The following MVB12A variants were observed in gnomAD, a reference collection of about 807,000 sequenced individuals.
MVB12A encodes the protein CIN85/CD2AP family binding protein.
In MVB12A, 30 loss-of-function variants were observed where a neutral mutation model predicts 34.3. That is an observed-to-expected ratio of 0.88 (90% CI 0.65 to 1.19). The LOEUF (loss-of-function observed/expected upper bound fraction) is 1.19, where lower values mean the gene tolerates loss of function less well. Among genes scored for constraint, MVB12A ranks in the 50% most tolerant of loss-of-function variants. MVB12A has a pLI of 0.00. For missense variants in MVB12A, 355 were observed against 369.2 expected (o/e 0.96, Z 0.31); for synonymous variants, 158 against 158.9 (o/e 0.99, Z 0.04).
At chr19:17,414,890 T>G in intron 2 of MVB12A, 1 of 151,736 alleles carries the variant, frequency 6.6e-6, no homozygotes, top group Non-Finnish European at 1.5e-5. Context: ...ACAAACAAAG[T>G]ATTAATATGT....
intron 2 of MVB12A, among the ~76,000 whole-genome samples, chr19:17,406,772 G>T (rs985288838): frequency 2.0e-5 from 3 of 152,118 alleles, no homozygotes; most frequent in Non-Finnish European, 2.9e-5. Context: ...ATTGTGCCAC[G>T]GCACTCAAGC....
At position 17,420,087 on chromosome 19, in the gene MVB12A, G is replaced by A; in HGVS notation, c.-49G>A. ...GCGCTGCCGTCGGGAGGCGCTCCGA[G>A]GTTCGAGGCTGTGCCCCGCGACCCC... is the stretch of plus-strand genomic sequence containing the variant. On this transcript the variant is annotated 5_prime_UTR_variant, in exon 1 of 9. Coordinates refer to ENST00000317040, the MANE Select transcript of MVB12A (RefSeq NM_138401.4). The A allele has an allele frequency of 4.0e-6, 5 of 1,258,904 alleles. No individual in the cohort carries two copies. The South Asian group carries it at 1.3e-4, about 32-fold the overall frequency. 78.0% of individuals were successfully genotyped at this position (1,258,904 alleles called of 1,614,324 possible).
At chr19:17,424,548 AC>A (rs34972891) in intron 7 of MVB12A, 72 bp from the exon 8 acceptor site, 1 of 1,463,814 alleles carries the variant, frequency 6.8e-7, no homozygotes, top group Admixed American at 1.9e-5. Context: ...GGAGGGCAGG[AC>A]CCCTTGAAGA....
chr19:17,405,946 AGG>A, intron 1 of MVB12A: 1 of 166,104 alleles, frequency 6.0e-6, no homozygotes, highest in Non-Finnish European at 1.3e-5. Context: ...GAAGAGGCAG[AGG>A]CCATCACTGT....
intron 2 of MVB12A, among the ~76,000 whole-genome samples, chr19:17,407,953 G>T (rs1046930669): frequency 6.6e-6 from 1 of 152,246 alleles, no homozygotes; most frequent in Non-Finnish European, 1.5e-5. Flanking sequence ...CCCTTCTGCT[G>T]GCCCTGTCCG....
At position 17,422,472 on chromosome 19, in the gene MVB12A, C is replaced by A. The variant is rs764501888; in HGVS notation, c.413+14C>A. On this transcript the variant is annotated intron_variant, in intron 4 of 8. Coordinates refer to ENST00000317040, the MANE Select transcript of MVB12A (RefSeq NM_138401.4). Reference sequence around the variant, plus strand: ...CCTTCGAATAGGGTAGGGCCACCCCCCAGTGTCTAGCCACCTTCCCTGCCC... The same window carrying A: ...CCTTCGAATAGGGTAGGGCCACCCCACAGTGTCTAGCCACCTTCCCTGCCC... 1.3e-5 allele frequency: 21 copies of A among 1,598,914 alleles called. No individual in the cohort carries two copies. The highest frequency in any genetic ancestry group is 3.3e-4 in the Middle Eastern group (2 of 5,988).
chr19:17,407,874 C>T (rs2074739305), intron 2 of MVB12A, among the ~76,000 whole-genome samples: 2 of 152,190 alleles, frequency 1.3e-5, no homozygotes, highest in African/African-American at 4.8e-5. Context: ...TTTTCGCTAC[C>T]GCTAGACCAC....
upstream of MVB12A, among the ~76,000 whole-genome samples, chr19:17,418,487 G>A (rs902022753): frequency 6.6e-6 from 1 of 150,862 alleles, no homozygotes; most frequent in African/African-American, 2.4e-5. Flanking sequence ...CCACCTCCCG[G>A]GTTCCAGTGA....
At chr19:17,407,978 C>T (rs976740958) in intron 2 of MVB12A, among the ~76,000 whole-genome samples, 2 of 152,236 alleles carry the variant, frequency 1.3e-5, no homozygotes, top group Non-Finnish European at 2.9e-5. Context: ...TAACAGAAGG[C>T]TTGCACTCTT....
intron 4 of MVB12A, 34 bp downstream of exon 4, chr19:17,422,492 C>T (rs1193085332): frequency 1.3e-6 from 2 of 1,580,674 alleles, no homozygotes; most frequent in Non-Finnish European, 1.7e-6. Context: ...GCCACCTTCC[C>T]TGCCCTCCCA....
Position 17,423,812 on chromosome 19 carries a change from TG to T in MVB12A, c.640+17del. 1 of 1,611,052 alleles carries T rather than the reference TG, an allele frequency of 6.2e-7. No individual in the cohort carries two copies. ...TATGGCATCTCAGGTGAGCACAGAG[TG>T]GGGAAACTGAGGCGTGGAAGTGGAG... On this transcript the variant is annotated intron_variant, in intron 6 of 8. Transcript: ENST00000317040.
chr19:17,424,686 A>C lies in MVB12A; in HGVS notation c.759+9A>C. 5.0e-6 allele frequency: 8 copies of C among 1,601,832 alleles called. No homozygotes were observed. Among genetic ancestry groups the C allele is most frequent in the Non-Finnish European group, 6.8e-6 (8 of 1,172,230 alleles). ...CGGACATTGAGGAGGAGGTGGGTGC[A>C]GGGCTAGGGAGGAGGTGGGTGCAGG... On this transcript the variant is annotated intron_variant, in intron 8 of 8. Coordinates refer to ENST00000317040, the MANE Select transcript of MVB12A (RefSeq NM_138401.4).
At chr19:17,420,711 C>A (rs1005708113) in intron 3 of MVB12A, 77 bp downstream of exon 3, 4 of 1,058,006 alleles carry the variant, frequency 3.8e-6, no homozygotes, top group Admixed American at 1.9e-5. Context: ...GACGGGCGCG[C>A]GGTATCTGAG....
chr19:17,408,174 A>T (rs999114049), intron 2 of MVB12A, among the ~76,000 whole-genome samples: 1 of 152,080 alleles, frequency 6.6e-6, no homozygotes, highest in African/African-American at 2.4e-5. Flanking sequence ...TTCTTGTTTT[A>T]TATTTTATTA....
Position 17,420,476 on chromosome 19 carries a change from C to T in MVB12A, c.190-62C>T, listed in dbSNP as rs1599606605. The T allele has an allele frequency of 3.8e-6, 6 of 1,590,410 alleles. No homozygotes were observed. In the East Asian group the frequency reaches 1.1e-4, roughly 30 times the overall value. On this transcript the variant is annotated intron_variant, in intron 2 of 8. Coordinates refer to ENST00000317040, the MANE Select transcript of MVB12A (RefSeq NM_138401.4). ...ACCTCCCCTGCCCATTCACGGTGCC[C>T]TATGCCAGGTGCGCTGTCCCCGCTG...
chr19:17,425,201 C>T lies in MVB12A; in HGVS notation c.*208C>T, dbSNP rs1055166729. On this transcript the variant is annotated 3_prime_UTR_variant, in exon 9 of 9. Coordinates refer to ENST00000317040, the MANE Select transcript of MVB12A (RefSeq NM_138401.4). ...AGGCTGCGTGGTGATGGGGTCTCCG[C>T]CCCCACGCCCTGCCGGGCAGGGCTG... 14 of 532,160 alleles carry T rather than the reference C, an allele frequency of 2.6e-5. No individual in the cohort carries two copies. The highest frequency in any genetic ancestry group is 2.4e-4 in the African/African-American group (12 of 50,912). The allele number at this position is 532,160 out of a possible 1,614,324, so 33.0% of individuals were successfully genotyped here. A position where few individuals can be genotyped will look rare whatever the true frequency, so the allele number is the denominator to read the frequency against.
chr19:17,412,095 C>G (rs141653926), intron 2 of MVB12A, among the ~76,000 whole-genome samples: 4 of 152,310 alleles, frequency 2.6e-5, no homozygotes, highest in Admixed American at 6.5e-5. Context: ...GACGGCCCCC[C>G]ACAGTAAATG....
Position 17,410,497 on chromosome 19 carries a change from C to CATAT in MVB12A, c.-5+4231_-5+4234dup, listed in dbSNP as rs373127253. On this transcript the variant is annotated intron_variant, in intron 2 of 6. Transcript: ENST00000528604. The stretch of plus-strand genomic sequence containing the variant: ...GCTAGCATTCTTTTGGTTTTAGCTT[C>CATAT]ATATATATATATATATATATATATA... Among the ~76,000 whole-genome samples, 475 of 77,540 alleles carry CATAT rather than the reference C, an allele frequency of 6.1e-3. 6 individuals are homozygous for CATAT. The highest frequency in any genetic ancestry group is 0.014 in the African/African-American group (240 of 16,844). The allele number at this position is 77,540 out of a possible 152,430, so 50.9% of individuals were successfully genotyped here.
rs753872570 is a variant in MVB12A, at chr19:17,423,617, G to A, written c.533G>A (p.Ser178Asn). 1 of 1,614,032 alleles carries A rather than the reference G, an allele frequency of 6.2e-7. No homozygotes were observed. Among genetic ancestry groups the A allele is most frequent in the Non-Finnish European group, 8.5e-7 (1 of 1,179,990 alleles). Residue 178 changes from serine to asparagine, a missense_variant and splice_region_variant, in exon 5 of 9, where the codon AGT (serine) becomes AAT (asparagine). Physicochemically the swap from Ser to Asn is conservative, Grantham distance 46. Coordinates refer to ENST00000317040, the MANE Select transcript of MVB12A (RefSeq NM_138401.4). The part of the protein sequence containing the change: ...GLSLDAASQP[S>N]KGGLLERTAS... ...TCTCTGGATGCAGCCAGCCAGCCAAGGTGAGTCCTCAGGCACCGGAGTGGG... is the reference window on the plus strand; with the variant it reads ...TCTCTGGATGCAGCCAGCCAGCCAAAGTGAGTCCTCAGGCACCGGAGTGGG...
Sources: allele counts gnomAD v4.1 joint callset (sites outside exome capture counted in the v4.1 genomes callset), GRCh38; gene constraint gnomAD v4.1.1; transcripts MANE v1.5; gene names NCBI Gene and HGNC (gene_info 2026-07-23, HGNC 2026-07-21).